The following RP1 variants were observed in gnomAD, a reference collection of about 807,000 sequenced individuals.
The protein encoded by RP1 is oxygen-regulated protein 1.
In RP1, 16 loss-of-function variants were observed where a neutral mutation model predicts 14.8. That is an observed-to-expected ratio of 1.08 (90% confidence interval 0.73 to 1.65). RP1 has a LOEUF of 1.65. RP1 is among the 40% of genes most tolerant of loss of function. RP1 has a pLI of 0.00. For missense variants in RP1, 2,631 were observed against 2,535.0 expected (o/e 1.04, Z -0.81); for synonymous variants, 876 against 883.6 (o/e 0.99, Z 0.15).
At chr8:54,579,834 C>G (rs1290633951) in intron 1 of RP1, among the ~76,000 whole-genome samples, 1 of 152,200 alleles carries the variant, frequency 6.6e-6, no homozygotes, top group Non-Finnish European at 1.5e-5. Flanking sequence ...GTGCCAATCC[C>G]TTCCTCAGAA....
chr8:54,794,670 T>C (rs952321654), intron 24 of RP1, among the ~76,000 whole-genome samples: 2 of 151,966 alleles, frequency 1.3e-5, no homozygotes, highest in African/African-American at 4.8e-5. Flanking sequence ...GTTTTGGCAA[T>C]GATGTTTTTG....
chr8:54,686,905 T>C (rs1446550281), intron 12 of RP1, among the ~76,000 whole-genome samples: 1 of 152,156 alleles, frequency 6.6e-6, no homozygotes, highest in African/African-American at 2.4e-5. Flanking sequence ...GCTACTAAAA[T>C]GTTTTTAAAT....
chr8:54,684,296 G>A (rs897053326), intron 12 of RP1, among the ~76,000 whole-genome samples: 10 of 152,050 alleles, frequency 6.6e-5, no homozygotes, highest in Non-Finnish European at 1.3e-4. Context: ...TCTCTGCCAG[G>A]TTTTGCTATC....
chr8:54,805,731 G>A (rs1284035522), intron 24 of RP1, among the ~76,000 whole-genome samples: 1 of 138,400 alleles, frequency 7.2e-6, no homozygotes, highest in East Asian at 2.0e-4. Flanking sequence ...TTTTTTTTTT[G>A]TCATTTTCTG....
chr8:54,708,426 G>C (rs934183023), intron 15 of RP1, among the ~76,000 whole-genome samples: 3 of 150,476 alleles, frequency 2.0e-5, no homozygotes, highest in Admixed American at 2.0e-4. Context: ...GCGCAATCTC[G>C]GCTCACTGCA....
intron 1 of RP1, among the ~76,000 whole-genome samples, chr8:54,587,418 C>A (rs1804956636): frequency 1.4e-5 from 2 of 142,376 alleles, no homozygotes; most frequent in South Asian, 2.2e-4. Context: ...AGAGTGAGAC[C>A]CTGTCTCAAA....
chr8:54,846,889 C>T (rs1336375376), intron 25 of RP1, among the ~76,000 whole-genome samples: 1 of 152,156 alleles, frequency 6.6e-6, no homozygotes, highest in Non-Finnish European at 1.5e-5. Flanking sequence ...ACACATCACA[C>T]CACAGCTCTG....
intron 16 of RP1, chr8:54,726,196 CTA>C: frequency 3.5e-6 from 3 of 868,294 alleles, no homozygotes; most frequent in Non-Finnish European, 4.9e-6. Context: ...TTTCTGTTAA[CTA>C]TGTAATTCTG....
intron 25 of RP1, among the ~76,000 whole-genome samples, chr8:54,851,029 T>C (rs113970428): frequency 0.013 from 1,948 of 152,308 alleles, 51 homozygotes; most frequent in African/African-American, 0.044. Flanking sequence ...CTTTGAATTA[T>C]TTAGATGGCA....
chr8:54,702,220 G>A (rs1808039399), intron 14 of RP1, among the ~76,000 whole-genome samples: 1 of 151,988 alleles, frequency 6.6e-6, no homozygotes, highest in South Asian at 2.1e-4. Flanking sequence ...GAAACGCGAA[G>A]GAAAAGATTT....
At chr8:54,694,302 A>G (rs897303333) in intron 12 of RP1, among the ~76,000 whole-genome samples, 5 of 152,116 alleles carry the variant, frequency 3.3e-5, no homozygotes, top group African/African-American at 1.2e-4. Context: ...TGTCTCTGCC[A>G]GGCTTTGGTA....
At chr8:54,710,830 G>C (rs1279461243) in intron 15 of RP1, among the ~76,000 whole-genome samples, 2 of 152,140 alleles carry the variant, frequency 1.3e-5, no homozygotes, top group East Asian at 3.9e-4. Context: ...ACAGGATGGG[G>C]AGGTGGGGCA....
chr8:54,629,679 C>A lies in RP1; in HGVS notation c.5797C>A (p.Arg1933=). The A allele has an allele frequency of 6.2e-7, 1 of 1,613,450 alleles. No individual in the cohort carries two copies. Among genetic ancestry groups the A allele is most frequent in the Non-Finnish European group, 8.5e-7 (1 of 1,179,866 alleles). ...TATCCAACCCATGAATGAGGAAGACCGAGGATTTGCATATCGCAAAGAATC... is the reference window on the plus strand; with the variant it reads ...TATCCAACCCATGAATGAGGAAGACAGAGGATTTGCATATCGCAAAGAATC... ...VIIQPMNEED[R]GFAYRKESDI... is the part of the protein sequence containing the mutation. The change falls in exon 4 of 4, where the codon CGA becomes AGA. Residue 1933 remains arginine, a synonymous_variant. Transcript: ENST00000220676.
intron 19 of RP1, among the ~76,000 whole-genome samples, chr8:54,744,352 G>T (rs1809173544): frequency 1.3e-5 from 2 of 152,192 alleles, no homozygotes; most frequent in Non-Finnish European, 2.9e-5. Context: ...GAGCCTAGGT[G>T]ATGCCTCTGA....
intron 7 of RP1, among the ~76,000 whole-genome samples, chr8:54,665,171 G>A (rs1183891092): frequency 6.6e-6 from 1 of 152,076 alleles, no homozygotes; most frequent in East Asian, 1.9e-4. Context: ...TCTCTGTTGA[G>A]TAAATCACTT....
chr8:54,815,827 C>A (rs1017146876), intron 24 of RP1, among the ~76,000 whole-genome samples: 2 of 152,114 alleles, frequency 1.3e-5, no homozygotes, highest in East Asian at 1.9e-4. Context: ...AAAGATAGTT[C>A]ATATTTGGCT....
rs1810172685 is a variant in RP1 at position 54,780,998 on chromosome 8, T to C, written c.3452-2549T>C. 4 of 978,642 alleles carry C rather than the reference T, an allele frequency of 4.1e-6. No homozygotes were observed. The African/African-American group carries it at 5.3e-5, about 13-fold the overall frequency. The allele number at this position is 978,642 out of a possible 1,614,324, so 60.6% of individuals were successfully genotyped here. ...GAAGAAATCCGAATTTATTAAGGAA[T>C]ATTTGGAGATCATAGAGTATATCCA... is the stretch of plus-strand genomic sequence containing the variant. On this transcript the variant is annotated intron_variant, in intron 23 of 28. Transcript: ENST00000637698.
intron 3 of RP1, among the ~76,000 whole-genome samples, chr8:54,622,686 T>C (rs902764560): frequency 6.6e-6 from 1 of 152,258 alleles, no homozygotes; most frequent in African/African-American, 2.4e-5. Context: ...GCAGAATGAC[T>C]GTATTTTTTC....
intron 1 of RP1, among the ~76,000 whole-genome samples, chr8:54,573,105 CT>C (rs561827907): frequency 1.3e-5 from 2 of 152,040 alleles, no homozygotes; most frequent in African/African-American, 4.8e-5. Context: ...ATCATAATCC[CT>C]TTTTTTGGCC....
Sources: gnomAD v4.1 joint callset for allele counts (sites outside exome capture counted in the v4.1 genomes callset) on GRCh38, gnomAD v4.1.1 for gene constraint, MANE v1.5 for transcripts, NCBI Gene and HGNC (gene_info 2026-07-23, HGNC 2026-07-21) for gene names.